Variants in AGPAT5 observed in about 807,000 individuals in gnomAD.
AGPAT5 encodes 1-acyl-sn-glycerol-3-phosphate acyltransferase epsilon.
Under a neutral mutation model 45.6 loss-of-function variants are expected in AGPAT5, and 46 were observed. The ratio of observed to expected loss-of-function variants is 1.01; its 90% CI spans 0.80 to 1.29. AGPAT5 has a LOEUF of 1.29. Ranked by LOEUF, AGPAT5 falls within the 50% of genes most tolerant of loss-of-function variation. AGPAT5 has a pLI of 0.00. For synonymous variants in AGPAT5, 272 were observed against 167.0 expected, an observed-to-expected ratio of 1.63 and a Z score of -4.85; for missense variants, 673 against 450.7, an observed-to-expected ratio of 1.49 and a Z score of -4.47.
At chr8:6,749,250 C>T (rs985187838) in intron 6 of AGPAT5, among the ~76,000 whole-genome samples, 1 of 151,986 alleles carries the variant, frequency 6.6e-6, no homozygotes. Context: ...CTGTCTACTG[C>T]AGAAAGTTAG....
chr8:6,728,220 T>C (rs965191148), intron 2 of AGPAT5, among the ~76,000 whole-genome samples: 5 of 152,208 alleles, frequency 3.3e-5, no homozygotes, highest in Non-Finnish European at 5.9e-5. Flanking sequence ...CATGGAAGAT[T>C]CTCACACAGC....
chr8:6,759,945 A>C lies in AGPAT5; in HGVS notation c.*2557A>C, dbSNP rs1801976352. Among the ~76,000 whole-genome samples the C allele has an allele frequency of 6.6e-6, 1 of 152,210 alleles. No individual in the cohort carries two copies. The highest frequency in any genetic ancestry group is 1.5e-5 in the Non-Finnish European group (1 of 68,026). On this transcript the variant is annotated 3_prime_UTR_variant, in exon 8 of 8. Coordinates refer to ENST00000285518, the MANE Select transcript of AGPAT5 (RefSeq NM_018361.5). ...TCAGTGAAACATGTCAAATGCCTTA[A>C]ATTAACTAAGTTGGTGAATAAAAGT... is the stretch of plus-strand genomic sequence containing the variant.
intron 6 of AGPAT5, among the ~76,000 whole-genome samples, chr8:6,753,043 C>T (rs1288845172): frequency 6.6e-6 from 1 of 152,150 alleles, no homozygotes. Flanking sequence ...ATAATAACAG[C>T]CCCTGCCTGC....
intron 3 of AGPAT5, among the ~76,000 whole-genome samples, chr8:6,731,958 C>T (rs1005230997): frequency 3.3e-5 from 5 of 152,188 alleles, no homozygotes; most frequent in Non-Finnish European, 7.3e-5. Flanking sequence ...GGACTAGTTA[C>T]ACTGGATGAC....
chr8:6,723,087 TTTAA>T (rs546150521), intron 1 of AGPAT5, among the ~76,000 whole-genome samples: 77 of 152,378 alleles, frequency 5.1e-4, no homozygotes, highest in Non-Finnish European at 9.7e-4. Context: ...ACTGGTGCAC[TTTAA>T]TTATTTTATT....
At chr8:6,729,950 C>G (rs1028563330) in intron 2 of AGPAT5, among the ~76,000 whole-genome samples, 4 of 152,130 alleles carry the variant, frequency 2.6e-5, no homozygotes, top group African/African-American at 4.8e-5. Context: ...GATTGCTGTC[C>G]TAACCTAGTA....
chr8:6,732,316 C>G (rs1190612295), intron 3 of AGPAT5, among the ~76,000 whole-genome samples: 1 of 152,138 alleles, frequency 6.6e-6, no homozygotes, highest in African/African-American at 2.4e-5. Flanking sequence ...TAACTGCCAA[C>G]AAAACTAAAC....
chr8:6,713,578 G>C (rs1381532168), intron 1 of AGPAT5, among the ~76,000 whole-genome samples: 2 of 152,142 alleles, frequency 1.3e-5, no homozygotes, highest in African/African-American at 2.4e-5. Context: ...TTGTAAGACA[G>C]AATCTCACAC....
chr8:6,735,071 T>A (rs1001575864), intron 4 of AGPAT5, among the ~76,000 whole-genome samples: 1 of 152,156 alleles, frequency 6.6e-6, no homozygotes, highest in Non-Finnish European at 1.5e-5. Flanking sequence ...TTAGGGAGAA[T>A]CTCAGGGGTG....
chr8:6,708,946 C>A, intron 1 of AGPAT5, 59 bp downstream of exon 1: 1 of 1,494,316 alleles, frequency 6.7e-7, no homozygotes. Flanking sequence ...GGGCGCGGAC[C>A]TCTCCGCTCC....
At chr8:6,733,118 T>G (rs187921733) in intron 4 of AGPAT5, among the ~76,000 whole-genome samples, 1 of 152,208 alleles carries the variant, frequency 6.6e-6, no homozygotes, top group Non-Finnish European at 1.5e-5. Context: ...GTAAATAATA[T>G]TTTATAAAAC....
chr8:6,710,356 C>A (rs952542244), intron 1 of AGPAT5, among the ~76,000 whole-genome samples: 1 of 152,174 alleles, frequency 6.6e-6, no homozygotes, highest in Non-Finnish European at 1.5e-5. Flanking sequence ...TTAATCTAAT[C>A]ATTCCCCCCA....
At chr8:6,739,955 A>G (rs977239930) in intron 4 of AGPAT5, among the ~76,000 whole-genome samples, 2 of 152,100 alleles carry the variant, frequency 1.3e-5, no homozygotes, top group South Asian at 2.1e-4. Flanking sequence ...CAATCATATC[A>G]TGATATGTAA....
intron 6 of AGPAT5, among the ~76,000 whole-genome samples, chr8:6,748,139 C>T (rs750784430): frequency 6.6e-6 from 1 of 152,122 alleles, no homozygotes; most frequent in Non-Finnish European, 1.5e-5. Flanking sequence ...AAGGAGCACG[C>T]CCGGCAGTAC....
intron 1 of AGPAT5, among the ~76,000 whole-genome samples, chr8:6,717,772 A>C (rs1800379045): frequency 6.6e-6 from 1 of 152,066 alleles, no homozygotes; most frequent in African/African-American, 2.4e-5. Context: ...TATAGGAATA[A>C]ATTTTTTGTT....
chr8:6,730,802 A>C lies in AGPAT5; in HGVS notation c.381A>C (p.Pro127=). 1.2e-6 allele frequency: 2 copies of C among 1,612,646 alleles called. No homozygotes were observed. The highest frequency in any genetic ancestry group is 1.7e-6 in the Non-Finnish European group (2 of 1,179,236). ...YVLKEGLKWL[P]LYGCYFAQHG... ...TGAAAGAAGGGTTAAAATGGCTGCC[A>C]TTGTATGGGTGTTACTTTGCTCAGG... is the stretch of plus-strand genomic sequence containing the variant. The change falls in exon 3 of 8, where the codon CCA becomes CCC. Residue 127 remains proline, a synonymous_variant. Transcript: ENST00000285518.
In AGPAT5 at chr8:6,757,259, A is replaced by T; in HGVS notation, c.966A>T (p.Leu322Phe). Residue 322 changes from leucine to phenylalanine, a missense_variant, in exon 8 of 8, where the codon TTA (leucine) becomes TTT (phenylalanine). Transcript: ENST00000285518. ...VNSKLSIKKT[L>F]PSMLILSGLT... ...CCAAATTAAGTATCAAGAAGACTTTACCATCAATGTTGATCTTAAGTGGTT... is the reference window on the plus strand; with the variant it reads ...CCAAATTAAGTATCAAGAAGACTTTTCCATCAATGTTGATCTTAAGTGGTT... The T allele has an allele frequency of 6.2e-7, 1 of 1,614,194 alleles. No individual in the cohort carries two copies. Among genetic ancestry groups the T allele is most frequent in the Non-Finnish European group, 8.5e-7 (1 of 1,180,012 alleles).
chr8:6,714,378 AAC>A (rs1488603705), intron 1 of AGPAT5, among the ~76,000 whole-genome samples: 3 of 152,246 alleles, frequency 2.0e-5, no homozygotes, highest in African/African-American at 7.2e-5. Flanking sequence ...ATTCCAGTCT[AAC>A]ACAATTAAAT....
At chr8:6,732,204 C>G (rs976996633) in intron 3 of AGPAT5, among the ~76,000 whole-genome samples, 2 of 152,042 alleles carry the variant, frequency 1.3e-5, no homozygotes, top group African/African-American at 2.4e-5. Context: ...TTTTTAGTGA[C>G]TCTGTAATAA....
Sources: allele counts gnomAD v4.1 joint callset (sites outside exome capture counted in the v4.1 genomes callset), GRCh38; gene constraint gnomAD v4.1.1; transcripts MANE v1.5; gene names NCBI Gene and HGNC (gene_info 2026-07-23, HGNC 2026-07-21).